F13A1: variants seen among roughly 807,000 people sequenced by gnomAD.
F13A1 encodes coagulation factor XIII A chain.
A neutral mutation model predicts 80.1 loss-of-function variants in F13A1; 47 were observed. The observed-to-expected ratio is 0.59, with a 90% CI of 0.46 to 0.75. The LOEUF (loss-of-function observed/expected upper bound fraction) is 0.75. Ranked by LOEUF, F13A1 falls within the 30% of genes least tolerant of loss-of-function variation. The pLI is 0.00. For missense variants in F13A1, 817 were observed against 930.4 expected (o/e 0.88, Z 1.59); for synonymous variants, 349 against 344.9 (o/e 1.01, Z -0.13).
intron 3 of F13A1, among the ~76,000 whole-genome samples, chr6:6,273,731 T>C (rs1053788161): frequency 2.6e-5 from 4 of 152,190 alleles, no homozygotes; most frequent in African/African-American, 9.7e-5. Flanking sequence ...GGTAACAGCA[T>C]GATGTATGTG....
chr6:6,294,713 C>CTT (rs373278722), intron 3 of F13A1, among the ~76,000 whole-genome samples: 8,113 of 123,546 alleles, frequency 0.066, 570 homozygotes, highest in African/African-American at 0.17. Context: ...GGTAGAGATT[C>CTT]TTTTTTTTTT....
intron 10 of F13A1, among the ~76,000 whole-genome samples, chr6:6,185,129 C>CTTT (rs113575772): frequency 2.5e-4 from 36 of 146,760 alleles, no homozygotes; most frequent in African/African-American, 6.0e-4. Flanking sequence ...GAATCTCTCT[C>CTTT]TTTTTTTTTT....
chr6:6,195,114 C>A (rs559898651), intron 10 of F13A1, among the ~76,000 whole-genome samples: 6 of 152,230 alleles, frequency 3.9e-5, no homozygotes, highest in Admixed American at 6.5e-5. Flanking sequence ...ACATCTCTTA[C>A]ATTTAATTTG....
At chr6:6,302,262 G>A (rs1245890167) in intron 3 of F13A1, among the ~76,000 whole-genome samples, 1 of 151,890 alleles carries the variant, frequency 6.6e-6, no homozygotes, top group African/African-American at 2.4e-5. Flanking sequence ...GTGGTCCAGA[G>A]CTTCAAACGT....
At chr6:6,172,516 G>C (rs1760794861) in intron 12 of F13A1, among the ~76,000 whole-genome samples, 1 of 150,672 alleles carries the variant, frequency 6.6e-6, no homozygotes, top group Admixed American at 6.6e-5. Flanking sequence ...CACGATCTTG[G>C]CTCACTGCAA....
At chr6:6,282,843 C>G (rs1758084880) in intron 3 of F13A1, among the ~76,000 whole-genome samples, 1 of 152,188 alleles carries the variant, frequency 6.6e-6, no homozygotes, top group Non-Finnish European at 1.5e-5. Context: ...ATCTCAGCTC[C>G]AGAGTTTCAC....
intron 10 of F13A1, among the ~76,000 whole-genome samples, chr6:6,195,269 A>G (rs1583066033): frequency 6.6e-6 from 1 of 152,204 alleles, no homozygotes; most frequent in African/African-American, 2.4e-5. Flanking sequence ...AGTAGCCTCC[A>G]GGCTCCCCTT....
chr6:6,184,141 AG>A (rs1191924846), intron 10 of F13A1, among the ~76,000 whole-genome samples: 1 of 152,234 alleles, frequency 6.6e-6, no homozygotes, highest in Non-Finnish European at 1.5e-5. Context: ...CATTTTATAA[AG>A]GATTTAGTTT....
chr6:6,313,576 G>A (rs1433175028), intron 2 of F13A1, among the ~76,000 whole-genome samples: 1 of 151,888 alleles, frequency 6.6e-6, no homozygotes, highest in Non-Finnish European at 1.5e-5. Flanking sequence ...AAATGTTTAG[G>A]TTTATATACT....
intron 3 of F13A1, among the ~76,000 whole-genome samples, chr6:6,268,898 C>A (rs907479678): frequency 6.6e-6 from 1 of 151,718 alleles, no homozygotes; most frequent in African/African-American, 2.4e-5. Context: ...CCATGTAGGG[C>A]AGGCTGGTCT....
intron 14 of F13A1, among the ~76,000 whole-genome samples, chr6:6,151,360 A>C (rs1760369954): frequency 6.6e-6 from 1 of 152,190 alleles, no homozygotes; most frequent in South Asian, 2.1e-4. Flanking sequence ...AGCACCCATG[A>C]AAAGGGGGTA....
intron 2 of F13A1, among the ~76,000 whole-genome samples, chr6:6,314,024 C>T (rs1018300437): frequency 1.8e-4 from 23 of 130,634 alleles, no homozygotes; most frequent in African/African-American, 6.1e-4. Context: ...TCTTATCGCC[C>T]AGGCTGGAGT....
Position 6,182,089 on chromosome 6 carries a change from A to C in F13A1, c.1358T>G (p.Val453Gly), listed in dbSNP as rs750668827. ...AATGTGGGTGGCATCCACATTTTCC[A>C]CCACATGAGTGCCATCTTTCTTAGC... ...ITAKKDGTHV[V>G]ENVDATHIGK... Residue 453 changes from valine (V) to glycine (G), a missense_variant, in exon 11 of 15, where the codon GTG (valine) becomes GGG (glycine). Transcript: ENST00000264870. 2 of 1,614,020 alleles carry C rather than the reference A, an allele frequency of 1.2e-6. No homozygotes were observed.
intron 13 of F13A1, among the ~76,000 whole-genome samples, chr6:6,166,387 TACCTACCCTCACC>T (rs1760674764): frequency 6.6e-6 from 1 of 152,244 alleles, no homozygotes; most frequent in African/African-American, 2.4e-5. Flanking sequence ...AAGCAAGGAC[TACCTACCCTCACC>T]CTGCCCACCT....
At chr6:6,275,496 A>T (rs1439146382) in intron 3 of F13A1, among the ~76,000 whole-genome samples, 2 of 152,118 alleles carry the variant, frequency 1.3e-5, no homozygotes, top group Non-Finnish European at 2.9e-5. Flanking sequence ...CAGCCTCCCA[A>T]GTAGCTGGGA....
Position 6,145,527 on chromosome 6 carries a change from A to T in F13A1, c.*92T>A. The T allele has an allele frequency of 6.5e-7, 1 of 1,549,832 alleles. No homozygotes were observed. Among genetic ancestry groups the T allele is most frequent in the Non-Finnish European group, 8.9e-7 (1 of 1,122,984 alleles). ...CAGTCCTGTCTGGGTCTTCACACCTAAGTCAAAGCAAGAGCTATTTTTGCG... is the reference window on the plus strand; with the variant it reads ...CAGTCCTGTCTGGGTCTTCACACCTTAGTCAAAGCAAGAGCTATTTTTGCG... On this transcript the variant is annotated 3_prime_UTR_variant, in exon 15 of 15. Coordinates refer to ENST00000264870, the MANE Select transcript of F13A1 (RefSeq NM_000129.4).
At chr6:6,236,001 T>G (rs959861579) in intron 6 of F13A1, among the ~76,000 whole-genome samples, 2 of 151,998 alleles carry the variant, frequency 1.3e-5, no homozygotes, top group Non-Finnish European at 2.9e-5. Flanking sequence ...AAAAACAGCA[T>G]GGATGAAGCT....
chr6:6,271,377 C>T (rs1757918543), intron 3 of F13A1, among the ~76,000 whole-genome samples: 1 of 152,158 alleles, frequency 6.6e-6, no homozygotes, highest in Non-Finnish European at 1.5e-5. Context: ...AATCCAGCTA[C>T]CCTGGGAAAA....
intron 13 of F13A1, among the ~76,000 whole-genome samples, chr6:6,153,394 C>CCAT (rs1352310867): frequency 6.6e-6 from 1 of 151,978 alleles, no homozygotes; most frequent in Non-Finnish European, 1.5e-5. Context: ...TCACATGTAC[C>CCAT]CCATAAATAT....
Sources: allele counts gnomAD v4.1 joint callset (sites outside exome capture counted in the v4.1 genomes callset), GRCh38; gene constraint gnomAD v4.1.1; transcripts MANE v1.5; gene names NCBI Gene and HGNC (gene_info 2026-07-23, HGNC 2026-07-21).